The following ANKRD12 variants were observed in gnomAD, a reference collection of about 807,000 sequenced individuals.
The protein encoded by ANKRD12 is ankyrin repeat domain-containing protein 12.
Under a neutral mutation model 183.4 loss-of-function variants are expected in ANKRD12, and 85 were observed. The observed-to-expected ratio is 0.46, with a 90% CI of 0.39 to 0.56. The LOEUF (loss-of-function observed/expected upper bound fraction) is 0.56, where lower values mean the gene tolerates loss of function less well. Among genes scored for constraint, ANKRD12 ranks in the 20% least tolerant of loss-of-function variants. The pLI is 0.00. For synonymous variants in ANKRD12, 914 were observed against 800.2 expected, an observed-to-expected ratio of 1.14 and a Z score of -2.40; for missense variants, 2,405 against 2,357.1, an observed-to-expected ratio of 1.02 and a Z score of -0.42.
chr18:9,267,281 T>G (rs1361758835), intron 10 of ANKRD12, among the ~76,000 whole-genome samples: 4 of 152,036 alleles, frequency 2.6e-5, no homozygotes, highest in African/African-American at 9.7e-5. Context: ...CTCATAGACA[T>G]TTACAGAACT....
At chr18:9,271,377 T>G (rs1426239980) in intron 10 of ANKRD12, among the ~76,000 whole-genome samples, 1 of 152,048 alleles carries the variant, frequency 6.6e-6, no homozygotes, top group Non-Finnish European at 1.5e-5. Flanking sequence ...TACAAAAAAT[T>G]AGACGGGTGT....
At chr18:9,267,538 A>G (rs993101631) in intron 10 of ANKRD12, among the ~76,000 whole-genome samples, 3 of 152,194 alleles carry the variant, frequency 2.0e-5, no homozygotes, top group African/African-American at 7.2e-5. Context: ...ACATAACGAA[A>G]TGAAGGCAGA....
At chr18:9,201,566 A>G (rs1286368589) in intron 3 of ANKRD12, among the ~76,000 whole-genome samples, 1 of 152,186 alleles carries the variant, frequency 6.6e-6, no homozygotes, top group East Asian at 1.9e-4. Flanking sequence ...GTGATTCTTC[A>G]TGTTTCTCCA....
At chr18:9,159,487 A>G (rs1287065161) in intron 1 of ANKRD12, among the ~76,000 whole-genome samples, 1 of 151,976 alleles carries the variant, frequency 6.6e-6, no homozygotes, top group Non-Finnish European at 1.5e-5. Flanking sequence ...GCTGGGGTGC[A>G]GTGGCGCAAT....
chr18:9,171,373 C>G (rs1408875568), intron 1 of ANKRD12, among the ~76,000 whole-genome samples: 4 of 152,124 alleles, frequency 2.6e-5, no homozygotes, highest in Non-Finnish European at 5.9e-5. Flanking sequence ...GGTCTTGACT[C>G]TATACATTTT....
chr18:9,264,838 T>G (rs2039186813), intron 10 of ANKRD12, among the ~76,000 whole-genome samples: 1 of 152,196 alleles, frequency 6.6e-6, no homozygotes, highest in African/African-American at 2.4e-5. Flanking sequence ...TCTTGCCACC[T>G]TACAGTTAAG....
At chr18:9,179,842 G>A (rs1447354420) in intron 1 of ANKRD12, among the ~76,000 whole-genome samples, 5 of 152,108 alleles carry the variant, frequency 3.3e-5, no homozygotes, top group South Asian at 2.1e-4. Context: ...TATTGTCTAC[G>A]AGCAAACTTT....
rs925143525 is a variant in ANKRD12 at position 9,150,942 on chromosome 18, C to T, written c.-52+13977C>T. 5.4e-5 allele frequency among the ~76,000 whole-genome samples: 8 copies of T among 146,970 alleles called. No individual in the cohort carries two copies. The East Asian group carries it at 1.4e-3, about 26-fold the overall frequency. ...TGCTGGGATTACAGGTGTAAGCCAT[C>T]GCGCCCAGCCAATTTTGTGATTAAA... On this transcript the variant is annotated intron_variant, in intron 1 of 12. Transcript: ENST00000262126.
chr18:9,174,025 G>T (rs1254853308), intron 1 of ANKRD12, among the ~76,000 whole-genome samples: 1 of 152,220 alleles, frequency 6.6e-6, no homozygotes, highest in African/African-American at 2.4e-5. Flanking sequence ...CCTCAGGGAG[G>T]CCCCACCCAG....
intron 1 of ANKRD12, among the ~76,000 whole-genome samples, chr18:9,164,438 C>G (rs1186610470): frequency 6.6e-6 from 1 of 152,096 alleles, no homozygotes; most frequent in African/African-American, 2.4e-5. Flanking sequence ...TTGTCTTCTG[C>G]TAGCTTTGGT....
At chr18:9,212,296 A>C (rs1232776278) in intron 6 of ANKRD12, among the ~76,000 whole-genome samples, 2 of 151,850 alleles carry the variant, frequency 1.3e-5, no homozygotes, top group Non-Finnish European at 2.9e-5. Flanking sequence ...TCCCTCCCAC[A>C]CAGGTTCTTT....
At chr18:9,172,270 T>C (rs989620429) in intron 1 of ANKRD12, among the ~76,000 whole-genome samples, 2 of 152,180 alleles carry the variant, frequency 1.3e-5, no homozygotes, top group African/African-American at 4.8e-5. Flanking sequence ...TTGGCCCTTC[T>C]TGCTAGGTTG....
At chr18:9,195,456 CTTT>C in intron 2 of ANKRD12, 92 bp from the exon 3 acceptor site, 1 of 882,046 alleles carries the variant, frequency 1.1e-6, no homozygotes, top group African/African-American at 1.7e-5. Context: ...AATACTATCT[CTTT>C]TTGTGTATGT....
chr18:9,225,795 C>T (rs146914464), intron 8 of ANKRD12, among the ~76,000 whole-genome samples: 53 of 152,144 alleles, frequency 3.5e-4, no homozygotes, highest in African/African-American at 1.2e-3. Flanking sequence ...TTTAAAAATC[C>T]CCATACATTA....
At chr18:9,154,446 G>A (rs1177706133) in intron 1 of ANKRD12, among the ~76,000 whole-genome samples, 1 of 152,084 alleles carries the variant, frequency 6.6e-6, no homozygotes, top group Non-Finnish European at 1.5e-5. Context: ...CTCCAAGTCA[G>A]GTGCAGAAGC....
At chr18:9,164,797 T>G (rs1280331474) in intron 1 of ANKRD12, among the ~76,000 whole-genome samples, 4 of 152,176 alleles carry the variant, frequency 2.6e-5, no homozygotes, top group African/African-American at 9.7e-5. Flanking sequence ...TGCTCAGGAG[T>G]GTTTTATTAA....
intron 8 of ANKRD12, among the ~76,000 whole-genome samples, chr18:9,229,700 TG>T (rs2036931693): frequency 6.6e-6 from 1 of 152,204 alleles, no homozygotes; most frequent in South Asian, 2.1e-4. Context: ...GTTAGTCAAA[TG>T]TGTTTTCTGC....
At chr18:9,139,148 G>T (rs2078230990) in intron 1 of ANKRD12, among the ~76,000 whole-genome samples, 1 of 152,158 alleles carries the variant, frequency 6.6e-6, no homozygotes, top group Non-Finnish European at 1.5e-5. Context: ...ATTTGAGGAG[G>T]AGTGAAGAGA....
intron 8 of ANKRD12, among the ~76,000 whole-genome samples, chr18:9,250,963 G>A (rs968416582): frequency 1.3e-5 from 2 of 152,066 alleles, no homozygotes; most frequent in Non-Finnish European, 2.9e-5. Flanking sequence ...GAATATCCAG[G>A]TTAGTTGACT....
Sources: gnomAD v4.1 joint callset for allele counts (sites outside exome capture counted in the v4.1 genomes callset) on GRCh38, gnomAD v4.1.1 for gene constraint, MANE v1.5 for transcripts, NCBI Gene and HGNC (gene_info 2026-07-23, HGNC 2026-07-21) for gene names.